ROR1: variants seen among roughly 807,000 people sequenced by gnomAD.
ROR1 encodes the protein inactive tyrosine-protein kinase transmembrane receptor ROR1.
A neutral mutation model predicts 78.8 loss-of-function variants in ROR1; 19 were observed. That is an observed-to-expected ratio of 0.24 (90% CI 0.17 to 0.35). The LOEUF is 0.35. Among genes scored for constraint, ROR1 ranks in the 10% least tolerant of loss-of-function variants. The pLI is 1.00. For missense variants in ROR1, 917 were observed against 1,177.8 expected (o/e 0.78, Z 3.24); for synonymous variants, 386 against 433.6 (o/e 0.89, Z 1.36).
At chr1:63,827,879 A>G (rs766891869) in intron 1 of ROR1, among the ~76,000 whole-genome samples, 3 of 152,202 alleles carry the variant, frequency 2.0e-5, no homozygotes, top group Non-Finnish European at 4.4e-5. Context: ...AACACAGAAT[A>G]AAATTGTGGA....
chr1:63,822,171 CTA>C (rs1275948773), intron 1 of ROR1, among the ~76,000 whole-genome samples: 1 of 152,160 alleles, frequency 6.6e-6, no homozygotes, highest in Non-Finnish European at 1.5e-5. Flanking sequence ...ATGTGAAACA[CTA>C]GAATGGAATC....
At chr1:64,067,080 T>G (rs1381936899) in intron 4 of ROR1, among the ~76,000 whole-genome samples, 1 of 152,154 alleles carries the variant, frequency 6.6e-6, no homozygotes, top group Non-Finnish European at 1.5e-5. Context: ...CCAGGCGCAG[T>G]GGCTCACGCC....
At chr1:63,922,410 A>T (rs1341736370) in intron 1 of ROR1, among the ~76,000 whole-genome samples, 11 of 152,140 alleles carry the variant, frequency 7.2e-5, no homozygotes, top group Non-Finnish European at 1.6e-4. Flanking sequence ...TCTCCTTTTC[A>T]TAAGACTATA....
chr1:63,821,186 T>G (rs1416176139), intron 1 of ROR1, among the ~76,000 whole-genome samples: 1 of 152,178 alleles, frequency 6.6e-6, no homozygotes. Context: ...ATTCTCACAT[T>G]TAACCATGCT....
chr1:64,028,675 G>A (rs893316532), intron 2 of ROR1, among the ~76,000 whole-genome samples: 3 of 152,260 alleles, frequency 2.0e-5, no homozygotes, highest in Admixed American at 2.0e-4. Context: ...TACATAGTAG[G>A]TGTATATATT....
intron 1 of ROR1, among the ~76,000 whole-genome samples, chr1:63,796,200 A>G (rs1380197639): frequency 2.6e-5 from 4 of 152,188 alleles, no homozygotes; most frequent in Non-Finnish European, 5.9e-5. Flanking sequence ...CATAGCAGAA[A>G]GAGCTCTGGA....
At chr1:64,053,229 C>T (rs936686243) in intron 4 of ROR1, among the ~76,000 whole-genome samples, 9 of 152,252 alleles carry the variant, frequency 5.9e-5, no homozygotes, top group Admixed American at 4.6e-4. Flanking sequence ...ACATTCAGAA[C>T]GTAAGGACTG....
At chr1:63,884,042 A>C (rs543749253) in intron 1 of ROR1, among the ~76,000 whole-genome samples, 11 of 152,222 alleles carry the variant, frequency 7.2e-5, no homozygotes, top group Non-Finnish European at 1.5e-4. Flanking sequence ...AGTGAAAGGA[A>C]CATCACAGGT....
intron 1 of ROR1, among the ~76,000 whole-genome samples, chr1:63,799,457 G>A (rs1433512198): frequency 6.6e-6 from 1 of 152,194 alleles, no homozygotes; most frequent in Non-Finnish European, 1.5e-5. Context: ...TCACTTGAGT[G>A]CCTAGGAGCA....
chr1:64,132,041 C>T (rs979858321), intron 4 of ROR1, among the ~76,000 whole-genome samples: 1 of 152,186 alleles, frequency 6.6e-6, no homozygotes, highest in Admixed American at 6.5e-5. Flanking sequence ...ATTCCTTGCC[C>T]GCTAAGCAGT....
At chr1:64,164,366 G>T (rs531289109) in intron 8 of ROR1, among the ~76,000 whole-genome samples, 1 of 152,202 alleles carries the variant, frequency 6.6e-6, no homozygotes, top group South Asian at 2.1e-4. Context: ...GAGCAAGAGT[G>T]TAGAGACAAA....
intron 1 of ROR1, among the ~76,000 whole-genome samples, chr1:63,988,199 G>A (rs9919208): frequency 0.024 from 3,642 of 152,240 alleles, 155 homozygotes; most frequent in African/African-American, 0.083. Flanking sequence ...TCAACTCCAG[G>A]ACCCAGCTGT....
chr1:64,110,035 C>T (rs1295646970), intron 4 of ROR1, among the ~76,000 whole-genome samples: 1 of 152,208 alleles, frequency 6.6e-6, no homozygotes, highest in Non-Finnish European at 1.5e-5. Context: ...CTCCTCTGCA[C>T]ACTCAGTCTC....
At chr1:63,795,167 G>A (rs1644752553) in intron 1 of ROR1, among the ~76,000 whole-genome samples, 1 of 152,110 alleles carries the variant, frequency 6.6e-6, no homozygotes, top group Non-Finnish European at 1.5e-5. Flanking sequence ...GAGGGCTGAT[G>A]GATTACATTC....
At chr1:63,927,909 A>G (rs1244985450) in intron 1 of ROR1, among the ~76,000 whole-genome samples, 1 of 151,396 alleles carries the variant, frequency 6.6e-6, no homozygotes, top group African/African-American at 2.4e-5. Flanking sequence ...CACTATCCAT[A>G]GTCCTTTGCG....
intron 4 of ROR1, among the ~76,000 whole-genome samples, chr1:64,067,239 A>G (rs1011405507): frequency 3.9e-5 from 6 of 151,938 alleles, no homozygotes; most frequent in Non-Finnish European, 5.9e-5. Context: ...AGTCCCAGCT[A>G]TTTGGGAGGC....
At chr1:63,851,039 G>A (rs957302983) in intron 1 of ROR1, among the ~76,000 whole-genome samples, 2 of 152,208 alleles carry the variant, frequency 1.3e-5, no homozygotes, top group Admixed American at 1.3e-4. Flanking sequence ...GAGTGCAGTG[G>A]CACGATCTAG....
chr1:64,099,900 C>A (rs1036309800), intron 4 of ROR1, among the ~76,000 whole-genome samples: 3 of 152,012 alleles, frequency 2.0e-5, no homozygotes, highest in African/African-American at 7.2e-5. Context: ...CTAAAAAATA[C>A]AAAAATTAGC....
chr1:64,104,704 A>C (rs1647718502), intron 4 of ROR1, among the ~76,000 whole-genome samples: 1 of 151,942 alleles, frequency 6.6e-6, no homozygotes, highest in South Asian at 2.1e-4. Context: ...GAGTGAGAAC[A>C]TGTGGTGTTT....
Sources: allele counts gnomAD v4.1 joint callset (sites outside exome capture counted in the v4.1 genomes callset), GRCh38; gene constraint gnomAD v4.1.1; transcripts MANE v1.5; gene names NCBI Gene and HGNC (gene_info 2026-07-23, HGNC 2026-07-21).